The following SPSB1 variants were observed in gnomAD, a reference collection of about 807,000 sequenced individuals.
The protein encoded by SPSB1 is SPRY domain-containing SOCS box protein 1.
Under a neutral mutation model 21.2 loss-of-function variants are expected in SPSB1, and 8 were observed. That is an observed-to-expected ratio of 0.38 (90% CI 0.22 to 0.68). The LOEUF is 0.68. SPSB1 is among the 30% of genes least tolerant of loss of function. The pLI, the probability that SPSB1 is intolerant of heterozygous loss-of-function variation, is 0.53. For synonymous variants in SPSB1, 169 were observed against 161.7 expected, an observed-to-expected ratio of 1.05 and a Z score of -0.34; for missense variants, 242 against 377.8, an observed-to-expected ratio of 0.64 and a Z score of 2.98.
intron 1 of SPSB1, among the ~76,000 whole-genome samples, chr1:9,355,284 C>T (rs1170452040): frequency 6.6e-6 from 1 of 152,228 alleles, no homozygotes; most frequent in Non-Finnish European, 1.5e-5. Context: ...TTGGCATCCT[C>T]AGCAGCCTCT....
intron 2 of SPSB1, among the ~76,000 whole-genome samples, chr1:9,364,448 G>A (rs1267479561): frequency 6.6e-6 from 1 of 152,230 alleles, no homozygotes; most frequent in African/African-American, 2.4e-5. Context: ...AGTCCGGGCA[G>A]ACGGAGGGAT....
intron 1 of SPSB1, among the ~76,000 whole-genome samples, chr1:9,352,268 C>T (rs557891729): frequency 6.6e-6 from 1 of 152,324 alleles, no homozygotes; most frequent in African/African-American, 2.4e-5. Context: ...TGAAGCCGTC[C>T]TTTCTGGTGG....
intron 1 of SPSB1, among the ~76,000 whole-genome samples, chr1:9,328,509 G>C (rs921166531): frequency 6.6e-6 from 1 of 152,240 alleles, no homozygotes; most frequent in Non-Finnish European, 1.5e-5. Flanking sequence ...CACTTCGGGG[G>C]AAGAGCTGAT....
At chr1:9,344,662 C>T (rs1026409945) in intron 1 of SPSB1, among the ~76,000 whole-genome samples, 1 of 151,368 alleles carries the variant, frequency 6.6e-6, no homozygotes, top group East Asian at 1.9e-4. Context: ...ACATCATGAA[C>T]GCTGCCCTTC....
At position 9,317,645 on chromosome 1, in the gene SPSB1, T is replaced by A. The variant is rs1017903698; in HGVS notation, c.-150+24574T>A. Among the ~76,000 whole-genome samples the A allele has an allele frequency of 5.9e-5, 9 of 151,852 alleles. No homozygotes were observed. Among genetic ancestry groups the A allele is most frequent in the African/African-American group, 2.4e-5 (1 of 41,306 alleles). On this transcript the variant is annotated intron_variant, in intron 1 of 2. Coordinates refer to ENST00000328089, the MANE Select transcript of SPSB1 (RefSeq NM_025106.4). This position sits in a 1 kb window ranked among gnomAD's most constrained non-coding sequence, Gnocchi z 4.3. ...CTACCACGCCCAGATATATATATATTTTTGTATTTTGTATTTTTTGTAGAG... is the reference window on the plus strand; with the variant it reads ...CTACCACGCCCAGATATATATATATATTTGTATTTTGTATTTTTTGTAGAG...
intron 1 of SPSB1, among the ~76,000 whole-genome samples, chr1:9,323,627 G>T (rs906369816): frequency 6.6e-6 from 1 of 152,184 alleles, no homozygotes; most frequent in Non-Finnish European, 1.5e-5. Flanking sequence ...TGGCAGACGC[G>T]CCTCCCTGCA....
chr1:9,301,547 G>A (rs1246962490), intron 1 of SPSB1, among the ~76,000 whole-genome samples: 2 of 149,786 alleles, frequency 1.3e-5, no homozygotes, highest in East Asian at 3.9e-4. Context: ...ATAGACCTGA[G>A]TGCGCACAGG....
chr1:9,301,048 G>C (rs760186222), intron 1 of SPSB1, among the ~76,000 whole-genome samples: 21 of 152,242 alleles, frequency 1.4e-4, no homozygotes, highest in Non-Finnish European at 2.6e-4. Context: ...CAGAGCTTCG[G>C]GCAGTGCACC....
intron 1 of SPSB1, among the ~76,000 whole-genome samples, chr1:9,342,022 T>C (rs922794904): frequency 6.6e-6 from 1 of 152,234 alleles, no homozygotes; most frequent in Non-Finnish European, 1.5e-5. Flanking sequence ...GTGTTTTGAA[T>C]TGGCCACCTT....
In SPSB1 at chr1:9,346,835, G is replaced by C. The variant is rs529713721; in HGVS notation, c.-149-8908G>C. ...TGCCACCTGGCTGGGTATGGGGACG[G>C]ACCAGCTGTTCTCTTCTTGTGTTCT... On this transcript the variant is annotated intron_variant, in intron 1 of 2. Coordinates refer to ENST00000328089, the MANE Select transcript of SPSB1 (RefSeq NM_025106.4). This position sits in a 1 kb window ranked among gnomAD's most constrained non-coding sequence, Gnocchi z 4.4. Among the ~76,000 whole-genome samples, 1 of 152,246 alleles carries C rather than the reference G, an allele frequency of 6.6e-6. No homozygotes were observed. The highest frequency in any genetic ancestry group is 1.5e-5 in the Non-Finnish European group (1 of 68,032).
intron 1 of SPSB1, among the ~76,000 whole-genome samples, chr1:9,349,129 G>A (rs1424782294): frequency 1.3e-5 from 2 of 152,126 alleles, no homozygotes; most frequent in Non-Finnish European, 2.9e-5. Flanking sequence ...TCACTGTGTT[G>A]TAGGAAAGGC....
chr1:9,294,248 TTGTG>T (rs531172649), intron 1 of SPSB1, among the ~76,000 whole-genome samples: 29 of 144,380 alleles, frequency 2.0e-4, no homozygotes, highest in Non-Finnish European at 1.5e-4. Context: ...TTGTGTCTCT[TTGTG>T]TGTCCACACG....
At chr1:9,306,379 AG>A (rs771563134) in intron 1 of SPSB1, among the ~76,000 whole-genome samples, 8 of 151,976 alleles carry the variant, frequency 5.3e-5, no homozygotes, top group African/African-American at 7.3e-5. Flanking sequence ...AGCCTGGAGG[AG>A]GTGGAAGATG....
At chr1:9,355,094 C>T (rs943420643) in intron 1 of SPSB1, among the ~76,000 whole-genome samples, 15 of 152,196 alleles carry the variant, frequency 9.9e-5, no homozygotes, top group African/African-American at 3.4e-4. Flanking sequence ...CTGTCTGAAT[C>T]GAGGCCTTCC....
At chr1:9,362,494 G>T (rs572828535) in intron 2 of SPSB1, among the ~76,000 whole-genome samples, 1 of 152,374 alleles carries the variant, frequency 6.6e-6, no homozygotes, top group South Asian at 2.1e-4. Flanking sequence ...CTGGAGCGTG[G>T]TCCCCACAAG....
intron 1 of SPSB1, among the ~76,000 whole-genome samples, chr1:9,339,828 G>A (rs561374784): frequency 1.3e-5 from 2 of 152,336 alleles, no homozygotes; most frequent in East Asian, 3.9e-4. Flanking sequence ...CTGGTGGCAG[G>A]ACAGGGGAAG....
At chr1:9,296,081 T>C (rs1324391880) in intron 1 of SPSB1, among the ~76,000 whole-genome samples, 1 of 152,178 alleles carries the variant, frequency 6.6e-6, no homozygotes, top group Non-Finnish European at 1.5e-5. Flanking sequence ...AAAGTTCCAC[T>C]GGCAGCCAGG....
chr1:9,331,729 G>A (rs114903103), intron 1 of SPSB1, among the ~76,000 whole-genome samples: 1,853 of 152,238 alleles, frequency 0.012, 45 homozygotes, highest in African/African-American at 0.042. Flanking sequence ...CACCAGCCAC[G>A]TTGGTACTTG....
chr1:9,303,374 A>C (rs1476257713), intron 1 of SPSB1, among the ~76,000 whole-genome samples: 1 of 152,242 alleles, frequency 6.6e-6, no homozygotes. Flanking sequence ...AGAACAGGAC[A>C]GAGGGAGGTA....
Sources: gnomAD v4.1 joint callset for allele counts (sites outside exome capture counted in the v4.1 genomes callset) on GRCh38, gnomAD v4.1.1 for gene constraint, Gnocchi (gnomAD v3.1) non-coding constraint, MANE v1.5 for transcripts, NCBI Gene and HGNC (gene_info 2026-07-23, HGNC 2026-07-21) for gene names.